Variants in MICOS10 observed in about 807,000 individuals in gnomAD.
The protein encoded by MICOS10 is mitochondrial contact site and cristae organizing system subunit 10.
MICOS10 carries 5 observed loss-of-function variants against 13.4 expected under a neutral mutation model. The ratio of observed to expected loss-of-function variants is 0.37; its 90% confidence interval spans 0.20 to 0.78. The LOEUF is 0.78. Among genes scored for constraint, MICOS10 ranks in the 30% least tolerant of loss-of-function variants. MICOS10 has a pLI of 0.47. For synonymous variants in MICOS10, 35 were observed against 33.6 expected (o/e 1.04, Z -0.15); for missense variants, 101 against 94.6 (o/e 1.07, Z -0.28).
chr1:19,608,087 T>C, intron 1 of MICOS10: 1 of 864,522 alleles, frequency 1.2e-6, no homozygotes, highest in East Asian at 2.4e-5. Context: ...AGCTTTCCCG[T>C]GTGGAGTCTG....
intron 1 of MICOS10, chr1:19,600,743 G>A (rs1043975728): frequency 4.3e-5 from 18 of 417,182 alleles, no homozygotes; most frequent in African/African-American, 3.5e-4. Flanking sequence ...CTGGGACTGT[G>A]GGTACGCACC....
At chr1:19,620,061 T>A (rs2094897823) in intron 1 of MICOS10, among the ~76,000 whole-genome samples, 1 of 152,262 alleles carries the variant, frequency 6.6e-6, no homozygotes. Flanking sequence ...AAATATTTGC[T>A]TCCAGGGAAG....
intron 1 of MICOS10, among the ~76,000 whole-genome samples, chr1:19,616,167 C>T (rs1033989073): frequency 3.3e-5 from 5 of 152,122 alleles, no homozygotes; most frequent in Non-Finnish European, 4.4e-5. Flanking sequence ...CCGCCTGCCT[C>T]GGCCTCCCAA....
intron 1 of MICOS10, among the ~76,000 whole-genome samples, chr1:19,611,929 G>A (rs7551438): frequency 2.9e-5 from 4 of 138,384 alleles, no homozygotes; most frequent in Admixed American, 7.3e-5. Flanking sequence ...CCAAGATCGC[G>A]CCAGTGTATT....
At chr1:19,624,678 G>A (rs1050411734) in intron 3 of MICOS10, among the ~76,000 whole-genome samples, 5 of 152,180 alleles carry the variant, frequency 3.3e-5, no homozygotes, top group African/African-American at 9.7e-5. Context: ...TCAGGGCTTC[G>A]TGTGTAGCAG....
At position 19,615,643 on chromosome 1, in the gene MICOS10, G is replaced by A. The variant is rs534210017; in HGVS notation, c.65-6457G>A. Reference sequence around the variant, plus strand: ...GCTGGAGTGCAGTGGCACAATCAGGGGTCACTGCAGCCTTGACCTCCCAGG... The same window carrying A: ...GCTGGAGTGCAGTGGCACAATCAGGAGTCACTGCAGCCTTGACCTCCCAGG... On this transcript the variant is annotated intron_variant, in intron 1 of 3. Coordinates refer to ENST00000322753, the MANE Select transcript of MICOS10 (RefSeq NM_001032363.4). 2.0e-3 allele frequency among the ~76,000 whole-genome samples: 285 copies of A among 144,750 alleles called. No individual in the cohort carries two copies. The Middle Eastern group carries it at 0.029, about 15-fold the overall frequency. 95.0% of individuals were successfully genotyped at this position (144,750 alleles called of 152,430 possible).
intron 1 of MICOS10, among the ~76,000 whole-genome samples, chr1:19,620,404 A>G (rs1014422834): frequency 1.3e-5 from 2 of 152,228 alleles, no homozygotes; most frequent in Non-Finnish European, 2.9e-5. Flanking sequence ...TTTATCTTTT[A>G]AGTAACTGAG....
At chr1:19,612,387 G>T (rs1253539344) in intron 1 of MICOS10, among the ~76,000 whole-genome samples, 1 of 151,736 alleles carries the variant, frequency 6.6e-6, no homozygotes, top group Non-Finnish European at 1.5e-5. Flanking sequence ...CCAGGGATTT[G>T]GAGAGGTTTT....
chr1:19,617,252 A>C (rs997637006), intron 1 of MICOS10: 42 of 984,410 alleles, frequency 4.3e-5, no homozygotes, highest in Non-Finnish European at 4.1e-5. Context: ...TGCTTGTTCT[A>C]ATCAGAATCC....
chr1:19,601,099 T>G, intron 1 of MICOS10: 4 of 978,228 alleles, frequency 4.1e-6, no homozygotes, highest in Non-Finnish European at 5.7e-6. Flanking sequence ...ATAGGTGTTG[T>G]ATAGCTGAGT....
chr1:19,599,558 A>T (rs2094806029), intron 1 of MICOS10, among the ~76,000 whole-genome samples: 1 of 152,214 alleles, frequency 6.6e-6, no homozygotes, highest in African/African-American at 2.4e-5. Flanking sequence ...GTTGTATATT[A>T]AGTGACTGAA....
Position 19,612,134 on chromosome 1 carries a change from C to T in MICOS10, c.65-9966C>T, listed in dbSNP as rs1448449717. ...CTCCACTCACTGCAAGCTCTGCCTTCTGGGTTCACGCCATTCTCCTGCCTC... is the reference window on the plus strand; with the variant it reads ...CTCCACTCACTGCAAGCTCTGCCTTTTGGGTTCACGCCATTCTCCTGCCTC... On this transcript the variant is annotated intron_variant, in intron 1 of 3. Transcript: ENST00000322753. Among the ~76,000 whole-genome samples the T allele has an allele frequency of 2.0e-5, 3 of 151,392 alleles. No individual in the cohort carries two copies. In the South Asian group the frequency reaches 6.4e-4, roughly 32 times the overall value.
At chr1:19,623,785 G>T in intron 3 of MICOS10, 1 of 513,498 alleles carries the variant, frequency 1.9e-6, no homozygotes, top group Non-Finnish European at 3.5e-6. Flanking sequence ...AGATGCGTAT[G>T]TACGTTCAGA....
Position 19,626,467 on chromosome 1 carries a change from G to T in MICOS10, c.*66G>T. 1 of 1,554,808 alleles carries T rather than the reference G, an allele frequency of 6.4e-7. No individual in the cohort carries two copies. Among genetic ancestry groups the T allele is most frequent in the African/African-American group, 1.4e-5 (1 of 73,980 alleles). On this transcript the variant is annotated 3_prime_UTR_variant, in exon 4 of 4. Transcript: ENST00000322753. Reference sequence around the variant, plus strand: ...ATGTTTATTCCTCAGGAATACTGAAGTGCCCTGGAGTAAGCTGCCATTCTT... The same window carrying T: ...ATGTTTATTCCTCAGGAATACTGAATTGCCCTGGAGTAAGCTGCCATTCTT...
At chr1:19,625,701 T>C in intron 3 of MICOS10, 1 of 1,195,340 alleles carries the variant, frequency 8.4e-7, no homozygotes, top group African/African-American at 1.6e-5. Context: ...GGGGTGATTA[T>C]ATGCATATTA....
intron 1 of MICOS10, among the ~76,000 whole-genome samples, chr1:19,618,563 GT>G (rs1242516569): frequency 6.6e-6 from 1 of 152,154 alleles, no homozygotes; most frequent in Non-Finnish European, 1.5e-5. Flanking sequence ...CTGTAAGGTT[GT>G]TTTCACTCTA....
intron 1 of MICOS10, among the ~76,000 whole-genome samples, chr1:19,618,280 T>G (rs893213058): frequency 2.1e-5 from 3 of 141,678 alleles, no homozygotes; most frequent in Admixed American, 6.6e-5. Context: ...TGATTTTTAT[T>G]TATTTATTAT....
rs538029764 is a variant in MICOS10 at position 19,609,074 on chromosome 1, C to T, written c.64+11965C>T. ...TGGCTGGAGTGCAGTGGCACAGTCA[C>T]GGGAGCCTCAGCCTCCTGGACTCAT... On this transcript the variant is annotated intron_variant, in intron 1 of 3. Coordinates refer to ENST00000322753, the MANE Select transcript of MICOS10 (RefSeq NM_001032363.4). 5.8e-5 allele frequency among the ~76,000 whole-genome samples: 8 copies of T among 138,682 alleles called. No individual in the cohort carries two copies. The South Asian group carries it at 1.1e-3, about 20-fold the overall frequency. 91.0% of individuals were successfully genotyped at this position (138,682 alleles called of 152,430 possible).
intron 1 of MICOS10, among the ~76,000 whole-genome samples, chr1:19,606,474 G>A (rs1356859285): frequency 1.3e-5 from 2 of 152,136 alleles, no homozygotes; most frequent in Non-Finnish European, 2.9e-5. Flanking sequence ...GGCTGGGCAC[G>A]GTGGCTCACA....
Sources: allele counts gnomAD v4.1 joint callset (sites outside exome capture counted in the v4.1 genomes callset), GRCh38; gene constraint gnomAD v4.1.1; transcripts MANE v1.5; gene names NCBI Gene and HGNC (gene_info 2026-07-23, HGNC 2026-07-21).